PARD3: variants seen among roughly 807,000 people sequenced by gnomAD.
The protein encoded by PARD3 is par-3 family cell polarity regulator.
In PARD3, 75 loss-of-function variants were observed where a neutral mutation model predicts 155.4. That is an observed-to-expected ratio of 0.48 (90% CI 0.40 to 0.58). The LOEUF is 0.58. Among genes scored for constraint, PARD3 ranks in the 20% least tolerant of loss-of-function variants. PARD3 has a pLI of 0.00. For synonymous variants in PARD3, 576 were observed against 610.5 expected (o/e 0.94, Z 0.83); for missense variants, 1,642 against 1,721.7 (o/e 0.95, Z 0.82).
chr10:34,771,908 A>G (rs1461258372), intron 1 of PARD3, among the ~76,000 whole-genome samples: 2 of 152,230 alleles, frequency 1.3e-5, no homozygotes, highest in Admixed American at 6.5e-5. Context: ...AAGCCAATGA[A>G]GATGGGTCAC....
At chr10:34,731,119 A>AT (rs142554724) in intron 1 of PARD3, among the ~76,000 whole-genome samples, 92,855 of 152,004 alleles carry the variant, frequency 0.61, 28,743 homozygotes, top group Non-Finnish European at 0.67. Context: ...GCTATGAGCA[A>AT]TTTTTTTACG....
chr10:34,484,627 C>T (rs1389700413), intron 3 of PARD3, among the ~76,000 whole-genome samples: 1 of 152,122 alleles, frequency 6.6e-6, no homozygotes, highest in Non-Finnish European at 1.5e-5. Context: ...TCATAATATA[C>T]AACATAGACC....
At chr10:34,214,952 A>G (rs1370228728) in intron 22 of PARD3, among the ~76,000 whole-genome samples, 1 of 152,164 alleles carries the variant, frequency 6.6e-6, no homozygotes. Context: ...GTAACATGCT[A>G]GTTTTGTTAA....
chr10:34,213,221 GT>G (rs1951839113), intron 22 of PARD3, among the ~76,000 whole-genome samples: 1 of 152,168 alleles, frequency 6.6e-6, no homozygotes, highest in South Asian at 2.1e-4. Flanking sequence ...AGGGGGGTGG[GT>G]GTGTGCAAAG....
chr10:34,660,746 A>G (rs1261752727), intron 2 of PARD3, among the ~76,000 whole-genome samples: 1 of 152,208 alleles, frequency 6.6e-6, no homozygotes, highest in Non-Finnish European at 1.5e-5. Flanking sequence ...TGCCAACACC[A>G]GATTCCATCA....
At chr10:34,494,722 GATA>G (rs1426105969) in intron 3 of PARD3, among the ~76,000 whole-genome samples, 1 of 152,122 alleles carries the variant, frequency 6.6e-6, no homozygotes, top group Non-Finnish European at 1.5e-5. Flanking sequence ...TACAATGTGA[GATA>G]ATAAAATACA....
At chr10:34,783,356 G>C (rs1301246241) in intron 1 of PARD3, among the ~76,000 whole-genome samples, 1 of 152,012 alleles carries the variant, frequency 6.6e-6, no homozygotes, top group African/African-American at 2.4e-5. Flanking sequence ...TGTAATCCCA[G>C]CACTTTCGGA....
At chr10:34,450,640 C>G (rs554008708) in intron 4 of PARD3, among the ~76,000 whole-genome samples, 192 bp from the exon 5 acceptor site, 1 of 152,234 alleles carries the variant, frequency 6.6e-6, no homozygotes, top group South Asian at 2.1e-4. Context: ...GTGCCGAGGA[C>G]AGGCAAGTCT....
intron 22 of PARD3, among the ~76,000 whole-genome samples, chr10:34,170,831 T>G (rs1343348997): frequency 6.6e-6 from 1 of 152,234 alleles, no homozygotes; most frequent in Non-Finnish European, 1.5e-5. Flanking sequence ...AGGTTGCTTT[T>G]TAAAATATTT....
intron 2 of PARD3, among the ~76,000 whole-genome samples, chr10:34,558,548 A>G (rs922204173): frequency 1.3e-5 from 2 of 152,208 alleles, no homozygotes; most frequent in Non-Finnish European, 2.9e-5. Flanking sequence ...ATATTATTCC[A>G]GAGAAAGTGT....
chr10:34,402,040 G>T, intron 5 of PARD3, 123 bp from the exon 6 acceptor site: 1 of 790,932 alleles, frequency 1.3e-6, no homozygotes, highest in Non-Finnish European at 2.2e-6. Context: ...TTTCCTCTAA[G>T]AAGGATGACC....
chr10:34,636,036 G>GAAGA (rs940762788), intron 2 of PARD3, among the ~76,000 whole-genome samples: 14 of 150,626 alleles, frequency 9.3e-5, no homozygotes, highest in African/African-American at 2.2e-4. Flanking sequence ...AAAAGAAGAA[G>GAAGA]AAGAAAGAAA....
intron 3 of PARD3, among the ~76,000 whole-genome samples, chr10:34,506,283 C>T (rs2081056837): frequency 6.6e-6 from 1 of 152,112 alleles, no homozygotes; most frequent in African/African-American, 2.4e-5. Flanking sequence ...CTCTGCTTGT[C>T]CTGAATTTGG....
intron 5 of PARD3, among the ~76,000 whole-genome samples, chr10:34,405,002 A>C (rs755682046): frequency 1.3e-5 from 2 of 151,884 alleles, no homozygotes; most frequent in Non-Finnish European, 2.9e-5. Flanking sequence ...CAGGAGTTCA[A>C]GGCTGCAGTA....
At chr10:34,478,251 A>T (rs768272527) in intron 3 of PARD3, among the ~76,000 whole-genome samples, 2 of 152,234 alleles carry the variant, frequency 1.3e-5, no homozygotes, top group African/African-American at 4.8e-5. Flanking sequence ...GATAAGTGCA[A>T]TGAGCACCAC....
chr10:34,111,506 G>T lies in PARD3; in HGVS notation c.3725C>A (p.Ser1242Tyr), dbSNP rs371401357. The T allele has an allele frequency of 2.6e-5, 42 of 1,613,728 alleles. 2 individuals are homozygous for T. The East Asian group carries it at 2.7e-4, about 10-fold the overall frequency. ...GGCACTCTGGAAGCCTTCCCCAGGGGAGTAGTTCTGCTCCCAAGAGTCCTG... is the reference window on the plus strand; with the variant it reads ...GGCACTCTGGAAGCCTTCCCCAGGGTAGTAGTTCTGCTCCCAAGAGTCCTG... ...VSQDSWEQNY[S>Y]PGEGFQSAKE... Residue 1242 changes from serine to tyrosine, a missense_variant, in exon 25 of 25, where the codon TCC (serine) becomes TAC (tyrosine). By Grantham distance (144) the Ser-to-Tyr change is moderately radical. Around this residue, in one of 3 missense-constraint regions of PARD3, gnomAD observed 1,529 missense variants for 1,587.3 expected, o/e 0.96. Transcript: ENST00000374788.
intron 5 of PARD3, among the ~76,000 whole-genome samples, chr10:34,410,901 C>T (rs2132297735): frequency 6.6e-6 from 1 of 152,292 alleles, no homozygotes; most frequent in Non-Finnish European, 1.5e-5. Flanking sequence ...ACCCATAGAG[C>T]ATGCAGGCAT....
At chr10:34,329,909 T>C (rs1194213599) in intron 19 of PARD3, among the ~76,000 whole-genome samples, 2 of 152,158 alleles carry the variant, frequency 1.3e-5, no homozygotes, top group Admixed American at 1.3e-4. Flanking sequence ...TATTAACGTA[T>C]ATATACATAT....
chr10:34,610,128 C>T (rs1209070094), intron 2 of PARD3, among the ~76,000 whole-genome samples: 1 of 152,116 alleles, frequency 6.6e-6, no homozygotes, highest in Non-Finnish European at 1.5e-5. Context: ...TATATTCCTA[C>T]ACTATTTAAA....
Sources: allele counts gnomAD v4.1 joint callset (sites outside exome capture counted in the v4.1 genomes callset), GRCh38; gene constraint gnomAD v4.1.1; regional missense constraint gnomAD v4.1.1; transcripts MANE v1.5; gene names NCBI Gene and HGNC (gene_info 2026-07-23, HGNC 2026-07-21).